Variants in TERB2 observed in about 807,000 individuals in gnomAD.
TERB2 encodes telomere repeat binding bouquet formation protein 2, also known as telomere repeats-binding bouquet formation protein 2.
A neutral mutation model predicts 29.8 loss-of-function variants in TERB2; 26 were observed. The observed-to-expected ratio is 0.87, with a 90% CI of 0.64 to 1.21. The LOEUF is 1.21. Among genes scored for constraint, TERB2 ranks in the 50% most tolerant of loss-of-function variants. The probability of loss-of-function intolerance (pLI) is 0.00; values close to 1 mark genes in which losing one functional copy is unlikely to be tolerated. For missense variants in TERB2, 240 were observed against 268.6 expected (o/e 0.89, Z 0.74); for synonymous variants, 80 against 90.8 (o/e 0.88, Z 0.68).
intron 6 of TERB2, chr15:44,976,277 G>T (rs1892046428): frequency 6.6e-6 from 1 of 152,186 alleles, no homozygotes; most frequent in Admixed American, 6.5e-5. Flanking sequence ...ACAGCTTTTT[G>T]TAAGGTTGCA....
intron 6 of TERB2, among the ~76,000 whole-genome samples, chr15:44,976,783 G>A (rs891420548): frequency 2.4e-4 from 36 of 152,168 alleles, no homozygotes; most frequent in African/African-American, 8.7e-4. Context: ...TTTTAAACAT[G>A]AGCTTGCTCC....
At chr15:44,961,658 T>C (rs1891805868) in intron 4 of TERB2, 74 bp downstream of exon 4, 1 of 1,024,174 alleles carries the variant, frequency 9.8e-7, no homozygotes, top group African/African-American at 1.7e-5. Context: ...ATCTTTAAAA[T>C]GTTTATTTGT....
intron 1 of TERB2, 56 bp from the exon 2 acceptor site, chr15:44,956,840 T>G (rs763413324): frequency 1.2e-6 from 2 of 1,609,364 alleles, no homozygotes; most frequent in South Asian, 2.2e-5. Flanking sequence ...CTCCTCTCTC[T>G]GATGCTTTGG....
chr15:44,975,652 T>G (rs1197120561), intron 6 of TERB2, among the ~76,000 whole-genome samples: 2 of 152,076 alleles, frequency 1.3e-5, no homozygotes, highest in Admixed American at 6.6e-5. Context: ...GTCAGTCCTG[T>G]GCATTATAGC....
chr15:44,967,226 A>G (rs1196497678), intron 5 of TERB2, among the ~76,000 whole-genome samples: 1 of 152,210 alleles, frequency 6.6e-6, no homozygotes, highest in African/African-American at 2.4e-5. Context: ...CATATTTTCC[A>G]ATTCAGTTGG....
At chr15:44,956,832 C>T (rs1414945069) in intron 1 of TERB2, 50 bp downstream of exon 1, 3 of 1,609,354 alleles carry the variant, frequency 1.9e-6, no homozygotes, top group Non-Finnish European at 2.6e-6. Flanking sequence ...GGAGCATCCT[C>T]CTCTCTCTGA....
chr15:44,972,070 A>G (rs1217998330), intron 5 of TERB2, among the ~76,000 whole-genome samples: 1 of 144,826 alleles, frequency 6.9e-6, no homozygotes, highest in African/African-American at 2.6e-5. Context: ...GCTCACTGCA[A>G]CCTCCGCCTC....
At chr15:44,969,658 G>A (rs1337736096) in intron 5 of TERB2, among the ~76,000 whole-genome samples, 1 of 150,456 alleles carries the variant, frequency 6.6e-6, no homozygotes, top group Non-Finnish European at 1.5e-5. Flanking sequence ...ACTGGGTGTA[G>A]TGGTGTACTC....
chr15:44,958,347 T>G, intron 2 of TERB2, 26 bp from the exon 3 acceptor site: 2 of 1,581,152 alleles, frequency 1.3e-6, no homozygotes, highest in Non-Finnish European at 1.7e-6. Context: ...TTTCATAACC[T>G]AAAATATTTC....
At chr15:44,963,210 G>GT (rs1381565800) in intron 4 of TERB2, among the ~76,000 whole-genome samples, 18 of 152,132 alleles carry the variant, frequency 1.2e-4, no homozygotes, top group Admixed American at 1.0e-3. Context: ...GTAAAACAGC[G>GT]TATCTTTACA....
rs546233580 is a variant in TERB2, at chr15:44,959,424, A to C, written c.286+912A>C. ...TACTCTGTCGTCCAGGCTGGAGTGC[A>C]ATGGTGTGATCTCAGCTCACTGCAA... On this transcript the variant is annotated intron_variant, in intron 3 of 6. Transcript: ENST00000340827. Among the ~76,000 whole-genome samples, 8 of 152,212 alleles carry C rather than the reference A, an allele frequency of 5.3e-5. No individual in the cohort carries two copies. In the East Asian group the frequency reaches 1.5e-3, roughly 29 times the overall value.
intron 5 of TERB2, 29 bp downstream of exon 5, chr15:44,966,272 T>G (rs750660742): frequency 7.3e-7 from 1 of 1,378,400 alleles, no homozygotes; most frequent in Middle Eastern, 1.8e-4. Context: ...TCATTAATAT[T>G]CAATTCAATG....
rs751945155 is a variant in TERB2 at position 44,956,779 on chromosome 15, T to C, written c.61T>C (p.Trp21Arg). The C allele has an allele frequency of 6.2e-7, 1 of 1,613,894 alleles. No homozygotes were observed. Among genetic ancestry groups the C allele is most frequent in the Non-Finnish European group, 8.5e-7 (1 of 1,179,882 alleles). The change falls in exon 1 of 7, where the codon TGG becomes CGG. Residue 21 changes from tryptophan (W) to arginine (R), a missense_variant. Physicochemically the swap from Trp to Arg is moderately radical, Grantham distance 101. Transcript: ENST00000340827. Reference sequence around the variant, plus strand: ...CGTTAGCCAGGATCTGAGGCAATTCTGGGGTAGGAAGCTGAGTGGAAGCAG... The same window carrying C: ...CGTTAGCCAGGATCTGAGGCAATTCCGGGGTAGGAAGCTGAGTGGAAGCAG... The part of the protein sequence containing the change: ...GSVSQDLRQF[W>R]VAEGGTISDP...
At chr15:44,965,337 T>C (rs561669726) in intron 4 of TERB2, among the ~76,000 whole-genome samples, 1 of 148,266 alleles carries the variant, frequency 6.7e-6, no homozygotes, top group South Asian at 2.1e-4. Flanking sequence ...TATCTTTACG[T>C]ATATAGTGAA....
intron 4 of TERB2, among the ~76,000 whole-genome samples, chr15:44,964,977 C>T (rs1207618505): frequency 6.6e-6 from 1 of 151,654 alleles, no homozygotes; most frequent in African/African-American, 2.4e-5. Context: ...ACCTGGGCAA[C>T]ATGGCAAAAC....
chr15:44,966,510 G>A (rs1436445682), intron 5 of TERB2, among the ~76,000 whole-genome samples: 3 of 152,014 alleles, frequency 2.0e-5, no homozygotes, highest in African/African-American at 7.3e-5. Flanking sequence ...ACTATACCAG[G>A]TATTTACTAT....
chr15:44,963,338 G>A (rs1044311884), intron 4 of TERB2, among the ~76,000 whole-genome samples: 1 of 152,134 alleles, frequency 6.6e-6, no homozygotes, highest in African/African-American at 2.4e-5. Flanking sequence ...TATTATCTGT[G>A]TAGTATTCTT....
intron 2 of TERB2, among the ~76,000 whole-genome samples, chr15:44,957,582 G>A (rs1891738069): frequency 1.3e-5 from 2 of 152,102 alleles, no homozygotes; most frequent in South Asian, 2.1e-4. Context: ...ATCAGTCAGA[G>A]GCCGAATACC....
chr15:44,958,221 T>C (rs1399851244), intron 2 of TERB2, 152 bp from the exon 3 acceptor site: 7 of 896,216 alleles, frequency 7.8e-6, no homozygotes, highest in Non-Finnish European at 1.1e-5. Flanking sequence ...TCTTATGCCA[T>C]ATGTTTTTCC....
Sources: gnomAD v4.1 joint callset for allele counts (sites outside exome capture counted in the v4.1 genomes callset) on GRCh38, gnomAD v4.1.1 for gene constraint, MANE v1.5 for transcripts, NCBI Gene and HGNC (gene_info 2026-07-23, HGNC 2026-07-21) for gene names.